CSPP1: variants seen among roughly 807,000 people sequenced by gnomAD.
CSPP1 encodes the protein centrosome and spindle pole-associated protein 1.
In CSPP1, 126 loss-of-function variants were observed where a neutral mutation model predicts 164.4. That is an observed-to-expected ratio of 0.77 (90% confidence interval 0.66 to 0.89). The LOEUF (loss-of-function observed/expected upper bound fraction) is 0.89. CSPP1 is among the 40% of genes least tolerant of loss of function. The pLI, the probability that CSPP1 is intolerant of heterozygous loss-of-function variation, is 0.00. For missense variants in CSPP1, 1,395 were observed against 1,449.8 expected (o/e 0.96, Z 0.61); for synonymous variants, 472 against 476.7 (o/e 0.99, Z 0.13).
At chr8:67,089,079 C>T (rs991061022) in intron 4 of CSPP1, among the ~76,000 whole-genome samples, 1 of 151,830 alleles carries the variant, frequency 6.6e-6, no homozygotes, top group Non-Finnish European at 1.5e-5. Flanking sequence ...GTATGGTTTC[C>T]AAGTCCCACT....
At chr8:67,145,804 T>G (rs1302973173) in intron 17 of CSPP1, among the ~76,000 whole-genome samples, 1 of 152,178 alleles carries the variant, frequency 6.6e-6, no homozygotes, top group Non-Finnish European at 1.5e-5. Context: ...ATTACAGGCA[T>G]GAGCCACCGT....
intron 3 of CSPP1, among the ~76,000 whole-genome samples, chr8:67,080,334 A>G (rs1319790299): frequency 6.6e-6 from 1 of 152,252 alleles, no homozygotes; most frequent in Non-Finnish European, 1.5e-5. Flanking sequence ...AATGAAAACA[A>G]TCTATTGATA....
chr8:67,101,780 G>A (rs553440689), intron 7 of CSPP1, among the ~76,000 whole-genome samples: 6 of 151,466 alleles, frequency 4.0e-5, no homozygotes, highest in Non-Finnish European at 7.4e-5. Flanking sequence ...TTTTTTTTCC[G>A]GAAAATTGCC....
upstream of CSPP1, chr8:67,064,380 C>G: frequency 2.5e-6 from 4 of 1,610,966 alleles, no homozygotes; most frequent in Non-Finnish European, 3.4e-6. Flanking sequence ...GGGGCGGAGC[C>G]CCGGCCCGGA....
At chr8:67,115,500 C>T (rs1373178078) in intron 12 of CSPP1, among the ~76,000 whole-genome samples, 5 of 151,972 alleles carry the variant, frequency 3.3e-5, no homozygotes, top group African/African-American at 7.3e-5. Flanking sequence ...GCCAACGTGG[C>T]GAAACCCCCT....
rs1213407719 is a variant in CSPP1 at position 67,175,336 on chromosome 8, T to C, written c.3009T>C (p.Asp1003=). Residue 1003 remains aspartate, a synonymous_variant, in exon 26 of 31, where the codon GAT becomes GAC. Coordinates refer to ENST00000678616, the MANE Select transcript of CSPP1 (RefSeq NM_001382391.1). ...TRVDLKFMYL[D]PPRDHHTLEI... ...TTGATCTGAAATTTATGTACCTGGA[T>C]CCTCCAAGAGATCATCACACCTTAG... 6.2e-7 allele frequency: 1 copy of C among 1,613,124 alleles called. No individual in the cohort carries two copies. The highest frequency in any genetic ancestry group is 1.7e-5 in the Admixed American group (1 of 60,014).
intron 18 of CSPP1, among the ~76,000 whole-genome samples, chr8:67,151,705 T>C (rs1486024782): frequency 1.3e-5 from 2 of 152,122 alleles, no homozygotes; most frequent in African/African-American, 4.8e-5. Context: ...TGTTCTGTTT[T>C]AAGAATTGAG....
intron 19 of CSPP1, among the ~76,000 whole-genome samples, chr8:67,155,670 C>T (rs912833994): frequency 6.6e-6 from 1 of 152,088 alleles, no homozygotes; most frequent in Non-Finnish European, 1.5e-5. Context: ...TGCCTGTCAC[C>T]CCAGCTACTC....
intron 28 of CSPP1, among the ~76,000 whole-genome samples, chr8:67,181,823 C>A (rs1463621375): frequency 6.6e-6 from 1 of 152,088 alleles, no homozygotes; most frequent in Non-Finnish European, 1.5e-5. Context: ...AACAGTAATT[C>A]CCCATTGCCC....
chr8:67,178,076 C>T (rs1832118433), intron 27 of CSPP1, among the ~76,000 whole-genome samples: 1 of 152,004 alleles, frequency 6.6e-6, no homozygotes, highest in Non-Finnish European at 1.5e-5. Flanking sequence ...ACAGGCCTGG[C>T]ATATAAGTTT....
chr8:67,164,480 A>G lies in CSPP1; in HGVS notation c.2800A>G (p.Met934Val), dbSNP rs370720351. 8.2e-6 allele frequency: 13 copies of G among 1,577,184 alleles called. No individual in the cohort carries two copies. Among genetic ancestry groups the G allele is most frequent in the African/African-American group, 5.4e-5 (4 of 74,206 alleles). ...ERRLQERLLH[M>V]DSDDEIPIRK... The stretch of plus-strand genomic sequence containing the variant: ...GCGTCTACAAGAGCGATTGCTACAC[A>G]TGGACAGTGATGATGAAATTCCTAT... Residue 934 changes from methionine (M) to valine (V), a missense_variant, in exon 24 of 31, where the codon ATG (methionine) becomes GTG (valine). Coordinates refer to ENST00000678616, the MANE Select transcript of CSPP1 (RefSeq NM_001382391.1).
intron 18 of CSPP1, among the ~76,000 whole-genome samples, chr8:67,150,176 C>A (rs1825439572): frequency 6.6e-6 from 1 of 152,004 alleles, no homozygotes; most frequent in Non-Finnish European, 1.5e-5. Context: ...TGCTGTGTAT[C>A]CTTTAGCTGC....
At chr8:67,073,770 T>C (rs1315276486) in intron 1 of CSPP1, among the ~76,000 whole-genome samples, 1 of 152,196 alleles carries the variant, frequency 6.6e-6, no homozygotes, top group Non-Finnish European at 1.5e-5. Flanking sequence ...TTTGTGTGTA[T>C]GGAGAGAATG....
rs1476791589 is a variant in CSPP1, at chr8:67,190,499, T to TA, written c.3221-144dup. On this transcript the variant is annotated intron_variant, in intron 28 of 30. Transcript: ENST00000678616. ...TGATTGTACAACTCTGTAAATTTAC[T>TA]AAAAAAATCACCGAACTGTGTATGT... The TA allele has an allele frequency of 6.9e-5, 43 of 622,048 alleles. No individual in the cohort carries two copies. In the Admixed American group the frequency reaches 9.9e-4, roughly 14 times the overall value. 38.5% of individuals were successfully genotyped at this position (622,048 alleles called of 1,614,324 possible).
intron 6 of CSPP1, among the ~76,000 whole-genome samples, chr8:67,094,974 T>G (rs1812441397): frequency 6.6e-6 from 1 of 152,208 alleles, no homozygotes; most frequent in Non-Finnish European, 1.5e-5. Context: ...GGTATGATTA[T>G]TTTGAGGTTC....
In CSPP1 at chr8:67,136,605, C is replaced by T. The variant is rs1464055889; in HGVS notation, c.1828-851C>T. 3.3e-5 allele frequency among the ~76,000 whole-genome samples: 5 copies of T among 150,940 alleles called. No homozygotes were observed. In the South Asian group the frequency reaches 8.4e-4, roughly 25 times the overall value. Reference sequence around the variant, plus strand: ...AAAAAAAAAAAAAAAATGCAATGTCCGCAAAGCACAATAAAATTCAGCACA... The same window carrying T: ...AAAAAAAAAAAAAAAATGCAATGTCTGCAAAGCACAATAAAATTCAGCACA... On this transcript the variant is annotated intron_variant, in intron 16 of 30. Transcript: ENST00000678616.
intron 8 of CSPP1, among the ~76,000 whole-genome samples, chr8:67,105,528 C>T (rs754580830): frequency 6.6e-6 from 1 of 151,936 alleles, no homozygotes; most frequent in Non-Finnish European, 1.5e-5. Context: ...TTACAGGCCT[C>T]CACCACTGCA....
At position 67,193,466 on chromosome 8, in the gene CSPP1, T is replaced by C. The variant is rs1836992286; in HGVS notation, c.3333T>C (p.Asp1111=). ...GAAGTTCTGTTTTCTAACTACAGGATAGCAGTCGTCCTAATGTAGCACCAG... is the reference window on the plus strand; with the variant it reads ...GAAGTTCTGTTTTCTAACTACAGGACAGCAGTCGTCCTAATGTAGCACCAG... ...RRNKWKGLDI[D]SSRPNVAPDG... is the part of the protein sequence containing the mutation. The change falls in exon 30 of 31, where the codon GAT becomes GAC. Residue 1111 remains aspartate (D), a splice_region_variant and synonymous_variant. Coordinates refer to ENST00000678616, the MANE Select transcript of CSPP1 (RefSeq NM_001382391.1). 2 of 1,612,488 alleles carry C rather than the reference T, an allele frequency of 1.2e-6. No homozygotes were observed. The highest frequency in any genetic ancestry group is 8.5e-7 in the Non-Finnish European group (1 of 1,178,814).
chr8:67,108,144 A>C (rs984395854), intron 9 of CSPP1, among the ~76,000 whole-genome samples: 1 of 151,902 alleles, frequency 6.6e-6, no homozygotes, highest in African/African-American at 2.4e-5. Flanking sequence ...TAATCCCAGC[A>C]TCTTAGGAGG....
Sources: gnomAD v4.1 joint callset for allele counts (sites outside exome capture counted in the v4.1 genomes callset) on GRCh38, gnomAD v4.1.1 for gene constraint, MANE v1.5 for transcripts, NCBI Gene and HGNC (gene_info 2026-07-23, HGNC 2026-07-21) for gene names.